CSMD1: variants seen among roughly 807,000 people sequenced by gnomAD.
The protein encoded by CSMD1 is CUB and Sushi multiple domains 1, also known as CUB and sushi domain-containing protein 1.
CSMD1 carries 213 observed loss-of-function variants against 417.5 expected under a neutral mutation model. The ratio of observed to expected loss-of-function variants is 0.51; its 90% CI spans 0.46 to 0.57. CSMD1 has a LOEUF of 0.57. Among genes scored for constraint, CSMD1 ranks in the 20% least tolerant of loss-of-function variants. The pLI, the probability that CSMD1 is intolerant of heterozygous loss-of-function variation, is 0.00. For synonymous variants in CSMD1, 2,862 were observed against 1,736.8 expected (o/e 1.65, Z -16.11); for missense variants, 6,923 against 4,529.7 (o/e 1.53, Z -15.17).
At chr8:3,331,642 C>T (rs1806902616) in intron 23 of CSMD1, among the ~76,000 whole-genome samples, 1 of 152,184 alleles carries the variant, frequency 6.6e-6, no homozygotes, top group Non-Finnish European at 1.5e-5. Context: ...GGCACGTGGT[C>T]AGTGCTCATT....
At chr8:3,192,079 A>G (rs1796458319) in intron 33 of CSMD1, among the ~76,000 whole-genome samples, 1 of 152,178 alleles carries the variant, frequency 6.6e-6, no homozygotes, top group African/African-American at 2.4e-5. Flanking sequence ...GTTCCATGAA[A>G]ACGGAAATTG....
chr8:4,210,537 G>C (rs1800243285), intron 3 of CSMD1, among the ~76,000 whole-genome samples: 1 of 151,920 alleles, frequency 6.6e-6, no homozygotes, highest in Non-Finnish European at 1.5e-5. Flanking sequence ...GTTCATCTTT[G>C]ACTTTTAAGA....
chr8:3,225,679 A>G (rs1395817461), intron 27 of CSMD1, among the ~76,000 whole-genome samples: 2 of 152,226 alleles, frequency 1.3e-5, no homozygotes, highest in Non-Finnish European at 2.9e-5. Context: ...TTGATTTAAA[A>G]GAAACAAAGG....
chr8:3,010,076 G>T (rs1337801225), intron 52 of CSMD1, among the ~76,000 whole-genome samples: 1 of 152,116 alleles, frequency 6.6e-6, no homozygotes, highest in East Asian at 1.9e-4. Context: ...TTGCCTGCCG[G>T]TGTCACGTCT....
intron 3 of CSMD1, among the ~76,000 whole-genome samples, chr8:4,209,881 T>A (rs1800205753): frequency 6.6e-6 from 1 of 152,176 alleles, no homozygotes; most frequent in South Asian, 2.1e-4. Flanking sequence ...ATGTAGGTGG[T>A]AACTTCTGTG....
intron 8 of CSMD1, among the ~76,000 whole-genome samples, chr8:3,616,249 G>A (rs929842052): frequency 2.0e-5 from 3 of 152,148 alleles, no homozygotes; most frequent in African/African-American, 7.2e-5. Flanking sequence ...GAATCATGGG[G>A]TCAGTTACCC....
At chr8:3,305,029 G>A (rs1441713049) in intron 25 of CSMD1, among the ~76,000 whole-genome samples, 8 of 152,038 alleles carry the variant, frequency 5.3e-5, no homozygotes, top group Admixed American at 5.2e-4. Context: ...TCAAAGTTAA[G>A]GACTAATATT....
intron 5 of CSMD1, among the ~76,000 whole-genome samples, chr8:3,772,286 G>T (rs1012903071): frequency 2.3e-5 from 3 of 128,880 alleles, no homozygotes; most frequent in African/African-American, 3.2e-5. Flanking sequence ...CATATATTTA[G>T]ACATACATAT....
rs34037075 is a variant in CSMD1 at position 4,392,225 on chromosome 8, T to C, written c.415+27728A>G. ...TTTACACAGCAGATCGTTCTAACATTTTTCAATTTACTTGTGAGGATATAA... is the reference window on the plus strand; with the variant it reads ...TTTACACAGCAGATCGTTCTAACATCTTTCAATTTACTTGTGAGGATATAA... On this transcript the variant is annotated intron_variant, in intron 3 of 69. Transcript: ENST00000635120. Among the ~76,000 whole-genome samples the C allele has an allele frequency of 7.5e-3, 1,140 of 152,304 alleles. 4 individuals carry two copies. Among genetic ancestry groups the C allele is most frequent in the Admixed American group, 0.011 (174 of 15,288 alleles).
intron 1 of CSMD1, among the ~76,000 whole-genome samples, chr8:4,758,508 T>C (rs566376629): frequency 1.3e-5 from 2 of 152,256 alleles, no homozygotes; most frequent in Non-Finnish European, 2.9e-5. Flanking sequence ...TGCTGGTCAG[T>C]AGGGCCTTCT....
intron 3 of CSMD1, among the ~76,000 whole-genome samples, chr8:4,098,056 C>A (rs1326045262): frequency 6.6e-6 from 1 of 152,136 alleles, no homozygotes. Flanking sequence ...ACAGAGAATG[C>A]TCACTTAAAG....
chr8:4,786,480 T>C (rs958235367), intron 1 of CSMD1, among the ~76,000 whole-genome samples: 1 of 152,222 alleles, frequency 6.6e-6, no homozygotes, highest in African/African-American at 2.4e-5. Context: ...ACCACAGATA[T>C]CTCATTTTAT....
intron 25 of CSMD1, among the ~76,000 whole-genome samples, chr8:3,296,007 A>G (rs1189797230): frequency 6.6e-6 from 1 of 152,062 alleles, no homozygotes; most frequent in African/African-American, 2.4e-5. Flanking sequence ...AAACCACAGC[A>G]TCCACAATAA....
chr8:4,534,774 T>C (rs1269167137), intron 2 of CSMD1, among the ~76,000 whole-genome samples: 1 of 152,140 alleles, frequency 6.6e-6, no homozygotes, highest in Non-Finnish European at 1.5e-5. Context: ...CTTTCTTTCC[T>C]TTTTTTGAGG....
chr8:3,565,233 G>C (rs1799655389), intron 10 of CSMD1, among the ~76,000 whole-genome samples: 1 of 142,336 alleles, frequency 7.0e-6, no homozygotes. Context: ...CAGATAGATA[G>C]ATTAATGATG....
At chr8:4,786,481 C>G (rs1247257021) in intron 1 of CSMD1, among the ~76,000 whole-genome samples, 2 of 152,142 alleles carry the variant, frequency 1.3e-5, no homozygotes, top group Admixed American at 1.3e-4. Context: ...CCACAGATAT[C>G]TCATTTTATT....
intron 2 of CSMD1, among the ~76,000 whole-genome samples, chr8:4,608,633 C>A (rs954637733): frequency 6.6e-6 from 1 of 152,206 alleles, no homozygotes; most frequent in East Asian, 1.9e-4. Context: ...GCAATGCCCG[C>A]CATACATTTT....
chr8:4,311,163 G>A (rs1416826113), intron 3 of CSMD1, among the ~76,000 whole-genome samples: 1 of 152,144 alleles, frequency 6.6e-6, no homozygotes, highest in Non-Finnish European at 1.5e-5. Context: ...AAGCCCAGTG[G>A]AATATAAATC....
At chr8:4,457,843 C>T (rs887029534) in intron 2 of CSMD1, among the ~76,000 whole-genome samples, 14 of 152,114 alleles carry the variant, frequency 9.2e-5, no homozygotes, top group Non-Finnish European at 5.9e-5. Context: ...TTTGCAGTGA[C>T]TTCCGAGGCT....
Sources: allele counts gnomAD v4.1 joint callset (sites outside exome capture counted in the v4.1 genomes callset), GRCh38; gene constraint gnomAD v4.1.1; transcripts MANE v1.5; gene names NCBI Gene and HGNC (gene_info 2026-07-23, HGNC 2026-07-21).